Variants in PDE8B observed in about 807,000 individuals in gnomAD.
PDE8B encodes phosphodiesterase 8B, also known as high affinity cAMP-specific and IBMX-insensitive 3',5'-cyclic phosphodiesterase 8B.
A neutral mutation model predicts 101.3 loss-of-function variants in PDE8B; 26 were observed. The observed-to-expected ratio is 0.26, with a 90% CI of 0.19 to 0.36. The LOEUF (loss-of-function observed/expected upper bound fraction) is 0.36, where lower values mean the gene tolerates loss of function less well. PDE8B is among the 10% of genes least tolerant of loss of function. PDE8B has a pLI of 1.00. For synonymous variants in PDE8B, 424 were observed against 429.3 expected (o/e 0.99, Z 0.15); for missense variants, 810 against 1,163.1 (o/e 0.70, Z 4.42).
the PDE8B span, among the ~76,000 whole-genome samples, chr5:77,193,247 C>A: frequency 6.6e-6 from 1 of 152,076 alleles, no homozygotes; most frequent in African/African-American, 2.4e-5. Context: ...TCTTTGCCTA[C>A]CTCAATTTCA....
At chr5:77,109,930 T>TTTTTTTTTTTTTTTTTTTTG in the PDE8B span, among the ~76,000 whole-genome samples, 156 of 82,014 alleles carry the variant, frequency 1.9e-3, 1 homozygote, top group African/African-American at 7.7e-3. Flanking sequence ...TATTTCAGTT[T>TTTTTTTTTTTTTTTTTTTTG]TTTTTTTTTT....
chr5:77,391,865 A>G (rs1278905581), intron 10 of PDE8B, among the ~76,000 whole-genome samples: 1 of 152,238 alleles, frequency 6.6e-6, no homozygotes, highest in Non-Finnish European at 1.5e-5. Context: ...AAGAAAAGCT[A>G]AGCACTTAAA....
the PDE8B span, among the ~76,000 whole-genome samples, chr5:77,091,548 G>T: frequency 2.8e-4 from 43 of 152,082 alleles, no homozygotes; most frequent in African/African-American, 9.4e-4. Flanking sequence ...AGCCTGAGGC[G>T]GGAGAATTGC....
At chr5:77,377,741 A>G (rs1786426661) in intron 10 of PDE8B, among the ~76,000 whole-genome samples, 2 of 152,226 alleles carry the variant, frequency 1.3e-5, no homozygotes, top group African/African-American at 2.4e-5. Context: ...GGCAGGCACC[A>G]GCCAATAAGC....
chr5:77,180,391 C>A, the PDE8B span: 36 of 967,464 alleles, frequency 3.7e-5, no homozygotes, highest in South Asian at 1.4e-3. Context: ...GCCCTCTGTG[C>A]GGGGCTAAGG....
At chr5:77,405,734 A>G (rs1793292255) in intron 12 of PDE8B, among the ~76,000 whole-genome samples, 1 of 152,116 alleles carries the variant, frequency 6.6e-6, no homozygotes, top group Admixed American at 6.5e-5. Flanking sequence ...ACAAGAGGGG[A>G]TTGAGAAAGG....
At position 77,329,052 on chromosome 5, in the gene PDE8B, G is replaced by A. The variant is rs142671242; in HGVS notation, c.645G>A (p.Ser215=). Residue 215 remains serine, a synonymous_variant, in exon 4 of 22, where the codon TCG becomes TCA. Transcript: ENST00000264917. ...ACACGGTGATCCTCGCAGTGGTTTC[G>A]CGAGTGTAAGTGCACCTCCCATTCC... ...SEHTVILAVV[S]RVSDDHEEAS... The A allele has an allele frequency of 2.5e-5, 40 of 1,612,662 alleles. No individual in the cohort carries two copies. The East Asian group carries it at 5.6e-4, about 22-fold the overall frequency.
At chr5:77,224,681 T>G (rs956626862) in intron 1 of PDE8B, among the ~76,000 whole-genome samples, 2 of 152,242 alleles carry the variant, frequency 1.3e-5, no homozygotes, top group Non-Finnish European at 2.9e-5. Context: ...AACATTTTCA[T>G]TTAAAGATTT....
At chr5:77,403,366 A>G (rs9942364) in intron 11 of PDE8B, among the ~76,000 whole-genome samples, 2 of 152,146 alleles carry the variant, frequency 1.3e-5, no homozygotes, top group African/African-American at 4.8e-5. Context: ...CTTTCCTGTG[A>G]TCAGCAGTAT....
the PDE8B span, among the ~76,000 whole-genome samples, chr5:77,196,384 T>C: frequency 6.6e-6 from 1 of 152,230 alleles, no homozygotes; most frequent in Non-Finnish European, 1.5e-5. Context: ...TGTGTTTTCT[T>C]CTGAGAGTTT....
chr5:77,323,558 A>T (rs1444910478), intron 2 of PDE8B, among the ~76,000 whole-genome samples: 1 of 152,166 alleles, frequency 6.6e-6, no homozygotes, highest in Non-Finnish European at 1.5e-5. Flanking sequence ...ATAGAGATGA[A>T]CTCACATTGG....
intron 1 of PDE8B, among the ~76,000 whole-genome samples, chr5:77,241,769 G>C (rs148604983): frequency 6.6e-6 from 1 of 152,182 alleles, no homozygotes; most frequent in Non-Finnish European, 1.5e-5. Context: ...TATTAAAGCT[G>C]CATTGATTTG....
chr5:77,135,697 G>A, the PDE8B span, among the ~76,000 whole-genome samples: 4 of 151,942 alleles, frequency 2.6e-5, no homozygotes, highest in East Asian at 1.9e-4. Context: ...GGCTGGTCTC[G>A]AGCTCCTGAC....
At chr5:77,192,839 A>G in the PDE8B span, among the ~76,000 whole-genome samples, 1 of 152,132 alleles carries the variant, frequency 6.6e-6, no homozygotes, top group Non-Finnish European at 1.5e-5. Context: ...TCTTGCTAAC[A>G]CTTGGTATTG....
intron 1 of PDE8B, among the ~76,000 whole-genome samples, chr5:77,254,065 T>A (rs1008750510): frequency 2.6e-5 from 4 of 152,158 alleles, no homozygotes; most frequent in Admixed American, 2.0e-4. Flanking sequence ...AATAAGTAGA[T>A]AATCTCTATG....
intron 10 of PDE8B, among the ~76,000 whole-genome samples, chr5:77,399,245 G>A (rs1251290215): frequency 6.6e-6 from 1 of 152,264 alleles, no homozygotes; most frequent in African/African-American, 2.4e-5. Context: ...ACAAGGAACA[G>A]TAGATAAAAT....
chr5:77,291,567 A>T (rs1767346101), intron 1 of PDE8B: 2 of 1,599,726 alleles, frequency 1.3e-6, no homozygotes, highest in East Asian at 4.5e-5. Context: ...CAACTTTACC[A>T]AAGATCTGGG....
At chr5:77,115,823 T>G in the PDE8B span, among the ~76,000 whole-genome samples, 1 of 152,212 alleles carries the variant, frequency 6.6e-6, no homozygotes, top group African/African-American at 2.4e-5. Context: ...CAGTATTGTG[T>G]CCTGTTCTCT....
chr5:77,409,253 C>G (rs1022108233), intron 14 of PDE8B, among the ~76,000 whole-genome samples, 196 bp downstream of exon 14: 1 of 152,194 alleles, frequency 6.6e-6, no homozygotes, highest in Non-Finnish European at 1.5e-5. Context: ...ATTTGTCTTT[C>G]CATGAGGCTG....
Sources: gnomAD v4.1 joint callset for allele counts (sites outside exome capture counted in the v4.1 genomes callset) on GRCh38, gnomAD v4.1.1 for gene constraint, MANE v1.5 for transcripts, NCBI Gene and HGNC (gene_info 2026-07-23, HGNC 2026-07-21) for gene names.